The following SDK1 variants were observed in gnomAD, a reference collection of about 807,000 sequenced individuals.
SDK1 encodes the protein sidekick cell adhesion molecule 1.
Under a neutral mutation model 245.5 loss-of-function variants are expected in SDK1, and 157 were observed. The observed-to-expected ratio is 0.64, with a 90% CI of 0.56 to 0.73. The LOEUF is 0.73. SDK1 is among the 30% of genes least tolerant of loss of function. The pLI is 0.00. For synonymous variants in SDK1, 1,647 were observed against 1,278.5 expected (o/e 1.29, Z -6.15); for missense variants, 3,583 against 3,002.3 (o/e 1.19, Z -4.52).
At chr7:3,514,175 G>C (rs1405062508) in intron 1 of SDK1, among the ~76,000 whole-genome samples, 2 of 152,120 alleles carry the variant, frequency 1.3e-5, no homozygotes, top group African/African-American at 4.8e-5. Context: ...CTGTCTCATG[G>C]AGTTTGTATG....
intron 4 of SDK1, among the ~76,000 whole-genome samples, chr7:3,739,669 A>C (rs949165228): frequency 6.6e-6 from 1 of 152,184 alleles, no homozygotes; most frequent in African/African-American, 2.4e-5. Flanking sequence ...CGTAGTTCTC[A>C]TACTTTAATT....
chr7:3,391,771 G>C (rs1781762678), intron 1 of SDK1, among the ~76,000 whole-genome samples: 1 of 151,388 alleles, frequency 6.6e-6, no homozygotes, highest in Admixed American at 6.6e-5. Flanking sequence ...CGAGTAGCTG[G>C]TGTGTGCCAT....
intron 1 of SDK1, among the ~76,000 whole-genome samples, chr7:3,361,508 C>G (rs1360985715): frequency 6.6e-6 from 1 of 152,170 alleles, no homozygotes; most frequent in Non-Finnish European, 1.5e-5. Flanking sequence ...ACCTTCGTTT[C>G]CCACATCTTC....
intron 4 of SDK1, among the ~76,000 whole-genome samples, chr7:3,776,848 A>G (rs1297446386): frequency 6.6e-6 from 1 of 152,194 alleles, no homozygotes; most frequent in African/African-American, 2.4e-5. Context: ...AATGTCAGTC[A>G]GTAGTCTTGC....
intron 4 of SDK1, among the ~76,000 whole-genome samples, chr7:3,804,789 T>C (rs1779198500): frequency 6.6e-6 from 1 of 152,256 alleles, no homozygotes; most frequent in Non-Finnish European, 1.5e-5. Context: ...TGCTAGGTTC[T>C]CACCTATTTC....
intron 1 of SDK1, among the ~76,000 whole-genome samples, chr7:3,411,811 T>A (rs1052097065): frequency 1.3e-5 from 2 of 152,194 alleles, no homozygotes; most frequent in Admixed American, 1.3e-4. Flanking sequence ...GAGTTTAATT[T>A]GTTTAATGTC....
At chr7:3,336,078 T>G (rs925912243) in intron 1 of SDK1, among the ~76,000 whole-genome samples, 1 of 152,008 alleles carries the variant, frequency 6.6e-6, no homozygotes, top group African/African-American at 2.4e-5. Flanking sequence ...AGCAAAACTC[T>G]GAGAAGAGCC....
intron 1 of SDK1, among the ~76,000 whole-genome samples, chr7:3,600,409 CTTTTA>C (rs1781216396): frequency 6.6e-6 from 1 of 151,970 alleles, no homozygotes; most frequent in African/African-American, 2.4e-5. Flanking sequence ...GTATGTACAT[CTTTTA>C]TTTATTTTTA....
chr7:3,654,214 C>G (rs879034474), intron 4 of SDK1, among the ~76,000 whole-genome samples: 1 of 152,168 alleles, frequency 6.6e-6, no homozygotes, highest in Admixed American at 6.5e-5. Context: ...CTAGAAAGTT[C>G]TTTTCGTTGT....
rs1185397802 is a variant in SDK1, at chr7:4,147,620, A to G, written c.4424-1642A>G. The stretch of plus-strand genomic sequence containing the variant: ...CCCCTCTGTGACCATTACCACTATC[A>G]TTATTATTGTTATTAGCTGGAGGGA... On this transcript the variant is annotated intron_variant, in intron 29 of 44. Coordinates refer to ENST00000404826, the MANE Select transcript of SDK1 (RefSeq NM_152744.4). Among the ~76,000 whole-genome samples, 5 of 152,012 alleles carry G rather than the reference A, an allele frequency of 3.3e-5. No homozygotes were observed. The East Asian group carries it at 9.7e-4, about 29-fold the overall frequency.
chr7:3,576,861 T>G (rs1780309866), intron 1 of SDK1, among the ~76,000 whole-genome samples: 1 of 152,076 alleles, frequency 6.6e-6, no homozygotes. Context: ...CAGAAGTTGG[T>G]TACTATTTGC....
intron 1 of SDK1, among the ~76,000 whole-genome samples, chr7:3,385,097 G>T (rs987869281): frequency 3.9e-5 from 6 of 152,142 alleles, no homozygotes; most frequent in African/African-American, 1.2e-4. Context: ...AGAGGGAAAA[G>T]ACCCTGAATT....
At chr7:4,221,066 G>A (rs114944612) in intron 39 of SDK1, among the ~76,000 whole-genome samples, 173 bp from the exon 40 acceptor site, 3,482 of 152,196 alleles carry the variant, frequency 0.023, 57 homozygotes, top group South Asian at 0.064. Flanking sequence ...CACCACGCCC[G>A]GCCTTGCCTC....
rs920882001 is a variant in SDK1, at chr7:4,149,080, C to CA, written c.4424-175dup. Among the ~76,000 whole-genome samples the CA allele has an allele frequency of 5.3e-5, 8 of 151,798 alleles. No individual in the cohort carries two copies. In the East Asian group the frequency reaches 7.7e-4, roughly 15 times the overall value. ...AAAAACAAAACAAAACAAAACAAAA[C>CA]AAAAAAACAGAGCCTCTCATCTCCC... On this transcript the variant is annotated intron_variant, in intron 29 of 44. Transcript: ENST00000404826.
intron 2 of SDK1, among the ~76,000 whole-genome samples, chr7:3,638,034 C>G (rs79519905): frequency 6.6e-6 from 1 of 152,182 alleles, no homozygotes; most frequent in African/African-American, 2.4e-5. Flanking sequence ...GAATTATAAA[C>G]GATTTTTGAT....
intron 1 of SDK1, among the ~76,000 whole-genome samples, chr7:3,382,505 T>C (rs191125632): frequency 6.6e-6 from 1 of 152,346 alleles, no homozygotes; most frequent in African/African-American, 2.4e-5. Flanking sequence ...ACCTCAATCA[T>C]TGCCAAGGTC....
At chr7:3,579,921 G>C (rs536856477) in intron 1 of SDK1, among the ~76,000 whole-genome samples, 1 of 152,284 alleles carries the variant, frequency 6.6e-6, no homozygotes, top group African/African-American at 2.4e-5. Flanking sequence ...GTGTTCTTCA[G>C]CTGATAAACA....
Position 4,012,224 on chromosome 7 carries a change from A to G in SDK1, c.2409A>G (p.Gly803=), listed in dbSNP as rs1057047525. Residue 803 remains glycine, a synonymous_variant, in exon 16 of 45, where the codon GGA becomes GGG. Coordinates refer to ENST00000404826, the MANE Select transcript of SDK1 (RefSeq NM_152744.4). ...CAGAGCACAACGGGGTGTTGCGTGGATACATCCTCAGGCAAGTGCCCTGTG... is the reference window on the plus strand; with the variant it reads ...CAGAGCACAACGGGGTGTTGCGTGGGTACATCCTCAGGCAAGTGCCCTGTG... ...PETEHNGVLR[G]YILRYRLAGL... 1 of 1,518,582 alleles carries G rather than the reference A, an allele frequency of 6.6e-7. No individual in the cohort carries two copies. 94.1% of individuals were successfully genotyped at this position (1,518,582 alleles called of 1,614,324 possible). A position where few individuals can be genotyped will look rare whatever the true frequency, so the allele number is the denominator to read the frequency against.
intron 28 of SDK1, among the ~76,000 whole-genome samples, chr7:4,139,054 C>T (rs1320644163): frequency 6.6e-6 from 1 of 152,264 alleles, no homozygotes; most frequent in Non-Finnish European, 1.5e-5. Context: ...CAGCTCCCCC[C>T]GTGTCATGTG....
Sources: allele counts gnomAD v4.1 joint callset (sites outside exome capture counted in the v4.1 genomes callset), GRCh38; gene constraint gnomAD v4.1.1; transcripts MANE v1.5; gene names NCBI Gene and HGNC (gene_info 2026-07-23, HGNC 2026-07-21).